The following RERE variants were observed in gnomAD, a reference collection of about 807,000 sequenced individuals.
The protein encoded by RERE is arginine-glutamic acid dipeptide repeats protein.
RERE carries 40 observed loss-of-function variants against 146.1 expected under a neutral mutation model. The ratio of observed to expected loss-of-function variants is 0.27; its 90% CI spans 0.21 to 0.36. RERE has a LOEUF of 0.36. Ranked by LOEUF, RERE falls within the 10% of genes least tolerant of loss-of-function variation. The pLI is 1.00. For synonymous variants in RERE, 1,003 were observed against 866.0 expected (o/e 1.16, Z -2.78); for missense variants, 1,933 against 2,138.7 (o/e 0.90, Z 1.90).
rs116226239 is a variant in RERE, at chr1:8,691,885, C to T, written c.-144-35444G>A. On this transcript the variant is annotated intron_variant, in intron 1 of 22. Transcript: ENST00000400908. ...ACCCTGGAAGTAGTTCTAACCTCCT[C>T]TAAGAAGTGCACAGTACCTGTTGCA... Among the ~76,000 whole-genome samples the T allele has an allele frequency of 2.4e-3, 360 of 152,328 alleles. 2 individuals are homozygous for T. Among genetic ancestry groups the T allele is most frequent in the African/African-American group, 8.3e-3 (347 of 41,568 alleles).
chr1:8,726,983 C>G (rs1175342723), intron 1 of RERE, among the ~76,000 whole-genome samples: 1 of 151,784 alleles, frequency 6.6e-6, no homozygotes, highest in Non-Finnish European at 1.5e-5. Context: ...TTTTTGTACT[C>G]TTAGTAGAGA....
intron 1 of RERE, among the ~76,000 whole-genome samples, chr1:8,678,418 G>A (rs1333552802): frequency 6.6e-6 from 1 of 151,944 alleles, no homozygotes; most frequent in Non-Finnish European, 1.5e-5. Context: ...GGCCAAGGCG[G>A]GCAATCCCGA....
intron 1 of RERE, among the ~76,000 whole-genome samples, chr1:8,752,158 T>C (rs1021652477): frequency 6.6e-6 from 1 of 152,028 alleles, no homozygotes; most frequent in Non-Finnish European, 1.5e-5. Context: ...GGATTTGCCT[T>C]GCGTGTCTGT....
intron 6 of RERE, among the ~76,000 whole-genome samples, chr1:8,554,225 T>G (rs1038774900): frequency 6.6e-6 from 1 of 152,154 alleles, no homozygotes; most frequent in Non-Finnish European, 1.5e-5. Flanking sequence ...CAATGATAAG[T>G]ACTCAAATAT....
chr1:8,693,517 A>G (rs2124422813), intron 1 of RERE, among the ~76,000 whole-genome samples: 1 of 152,352 alleles, frequency 6.6e-6, no homozygotes, highest in East Asian at 1.9e-4. Flanking sequence ...GTATGAGTCC[A>G]GTTATATGAC....
At chr1:8,439,654 AC>A (rs1644220014) in intron 11 of RERE, among the ~76,000 whole-genome samples, 1 of 152,120 alleles carries the variant, frequency 6.6e-6, no homozygotes, top group South Asian at 2.1e-4. Flanking sequence ...TGGGAACCAC[AC>A]CCCCTGGCGG....
chr1:8,563,142 G>T (rs1297715956), intron 4 of RERE, among the ~76,000 whole-genome samples: 1 of 152,174 alleles, frequency 6.6e-6, no homozygotes, highest in Non-Finnish European at 1.5e-5. Flanking sequence ...CAGACACAGG[G>T]TCTAACGTTG....
chr1:8,360,842 G>T lies in RERE; in HGVS notation c.2665C>A (p.Pro889Thr), dbSNP rs1161009125. The change falls in exon 18 of 23, where the codon CCA (proline) becomes ACA (threonine). Residue 889 changes from proline (P) to threonine (T), a missense_variant. This residue lies in a region of RERE where 1,255 missense variants were observed against 1,153.8 expected (regional missense o/e 1.09). Transcript: ENST00000400908. ...SQGQAPLGTS[P>T]AAAYPHTSLQ... is the part of the protein sequence containing the mutation. ...GAGGTGTGAGGGTACGCTGCTGCTG[G>T]GGAGGTCCCCAGAGGGGCCTGGCCT... 1 of 1,542,338 alleles carries T rather than the reference G, an allele frequency of 6.5e-7. No individual in the cohort carries two copies. The highest frequency in any genetic ancestry group is 1.9e-5 in the Admixed American group (1 of 51,322).
chr1:8,469,917 G>C (rs1644657848), intron 10 of RERE, among the ~76,000 whole-genome samples: 1 of 152,170 alleles, frequency 6.6e-6, no homozygotes, highest in Non-Finnish European at 1.5e-5. Context: ...CTAGTGATGA[G>C]CTTAATGGGG....
intron 1 of RERE, among the ~76,000 whole-genome samples, chr1:8,799,011 T>C (rs1641536085): frequency 6.7e-6 from 1 of 148,346 alleles, no homozygotes; most frequent in Non-Finnish European, 1.5e-5. Flanking sequence ...TTGTTTTTGT[T>C]TTGAGACGGA....
chr1:8,593,172 G>A lies in RERE; in HGVS notation c.522+21389C>T, dbSNP rs186149985. 9.2e-5 allele frequency among the ~76,000 whole-genome samples: 14 copies of A among 152,238 alleles called. No individual in the cohort carries two copies. In the East Asian group the frequency reaches 1.9e-3, roughly 21 times the overall value. ...TTTTCCATAATAACAGAGCACCTAC[G>A]TTACTGGAGCACAGTAAACCAAAGT... On this transcript the variant is annotated intron_variant, in intron 4 of 22. Coordinates refer to ENST00000400908, the MANE Select transcript of RERE (RefSeq NM_001042681.2).
At chr1:8,585,565 T>C (rs755056197) in intron 4 of RERE, among the ~76,000 whole-genome samples, 2 of 152,118 alleles carry the variant, frequency 1.3e-5, no homozygotes, top group Non-Finnish European at 2.9e-5. Context: ...CACCTTGGCA[T>C]AGAGATAGTA....
intron 4 of RERE, among the ~76,000 whole-genome samples, chr1:8,593,993 T>C (rs577675318): frequency 3.3e-5 from 5 of 152,280 alleles, no homozygotes; most frequent in East Asian, 1.9e-4. Context: ...TATGAGAACA[T>C]AGATGTTTAT....
At position 8,360,770 on chromosome 1, in the gene RERE, G is replaced by C; in HGVS notation, c.2737C>G (p.Pro913Ala). 1 of 1,597,842 alleles carries C rather than the reference G, an allele frequency of 6.3e-7. No individual in the cohort carries two copies. The highest frequency in any genetic ancestry group is 8.5e-7 in the Non-Finnish European group (1 of 1,176,490). The stretch of plus-strand genomic sequence containing the variant: ...GCTGGTGGCAGGGGCTGCTCCCGTG[G>C]AGGCTGTTGGGACTGCAGCGCTGAC... ...SQSALQSQQP[P>A]REQPLPPAPL... Residue 913 changes from proline (P) to alanine (A), a missense_variant, in exon 18 of 23, where the codon CCA becomes GCA. Pro to Ala is a conservative substitution (Grantham distance 27). This residue lies in a region of RERE where 1,255 missense variants were observed against 1,153.8 expected (regional missense o/e 1.09). Transcript: ENST00000400908.
chr1:8,454,036 C>T (rs548031053), intron 11 of RERE, among the ~76,000 whole-genome samples: 85 of 152,302 alleles, frequency 5.6e-4, no homozygotes, highest in African/African-American at 2.0e-3. Flanking sequence ...CTCCAAGCTG[C>T]TGTTGAGGGG....
At chr1:8,613,644 C>G (rs1350147314) in intron 4 of RERE, among the ~76,000 whole-genome samples, 3 of 152,180 alleles carry the variant, frequency 2.0e-5, no homozygotes, top group Non-Finnish European at 4.4e-5. Flanking sequence ...TTGTGTGTGT[C>G]TAAGTGTGAG....
At chr1:8,444,043 G>A (rs1422869896) in intron 11 of RERE, among the ~76,000 whole-genome samples, 1 of 152,218 alleles carries the variant, frequency 6.6e-6, no homozygotes, top group African/African-American at 2.4e-5. Context: ...GTGGAGCTGT[G>A]GGAAGGGGCC....
At chr1:8,782,471 T>C (rs537471778) in intron 1 of RERE, among the ~76,000 whole-genome samples, 1 of 152,266 alleles carries the variant, frequency 6.6e-6, no homozygotes, top group East Asian at 1.9e-4. Context: ...CAGCTTTACT[T>C]ACACTTGCCA....
In RERE at chr1:8,364,974, G is replaced by A. The variant is rs111794523; in HGVS notation, c.1448-136C>T. The A allele has an allele frequency of 4.0e-3, 2,726 of 678,246 alleles. 51 individuals are homozygous for A. In the African/African-American group the frequency reaches 0.042, roughly 11 times the overall value. 42.0% of individuals were successfully genotyped at this position (678,246 alleles called of 1,614,324 possible). ...GCAGGTTCTGGCCACCAGTCAGAGC[G>A]GCTGGGTGCACAGGCTGAGGTAGGA... On this transcript the variant is annotated intron_variant, in intron 13 of 22. Transcript: ENST00000400908. The surrounding 1 kb of genome is among the most constrained non-coding windows in gnomAD (Gnocchi z 5.1).
Sources: gnomAD v4.1 joint callset for allele counts (sites outside exome capture counted in the v4.1 genomes callset) on GRCh38, gnomAD v4.1.1 for gene constraint, gnomAD v4.1.1 regional missense constraint, Gnocchi (gnomAD v3.1) non-coding constraint, MANE v1.5 for transcripts, NCBI Gene and HGNC (gene_info 2026-07-23, HGNC 2026-07-21) for gene names.